Variants in CCDC148 observed in about 807,000 individuals in gnomAD.
CCDC148 encodes the protein coiled-coil domain-containing protein 148.
A neutral mutation model predicts 85.7 loss-of-function variants in CCDC148; 89 were observed. The observed-to-expected ratio is 1.04, with a 90% confidence interval of 0.87 to 1.24. The LOEUF (loss-of-function observed/expected upper bound fraction) is 1.24, where lower values mean the gene tolerates loss of function less well. Among genes scored for constraint, CCDC148 ranks in the 50% most tolerant of loss-of-function variants. CCDC148 has a pLI of 0.00. For missense variants in CCDC148, 692 were observed against 671.7 expected, an observed-to-expected ratio of 1.03 and a Z score of -0.33; for synonymous variants, 230 against 213.9, an observed-to-expected ratio of 1.08 and a Z score of -0.66.
rs1040423813 is a variant in CCDC148 at position 158,456,719 on chromosome 2, C to T, written c.-280G>A. 3.2e-5 allele frequency: 16 copies of T among 496,678 alleles called. No homozygotes were observed. Among genetic ancestry groups the T allele is most frequent in the Middle Eastern group, 5.3e-4 (1 of 1,882 alleles). The allele number at this position is 496,678 out of a possible 1,614,324, so 30.8% of individuals were successfully genotyped here. A position where few individuals can be genotyped will look rare whatever the true frequency, so the allele number is the denominator to read the frequency against. On this transcript the variant is annotated 5_prime_UTR_variant, in exon 1 of 14. Coordinates refer to ENST00000283233, the MANE Select transcript of CCDC148 (RefSeq NM_138803.4). ...CCTTCTCTCTCACACCCACCCTCTCCAGGCCCTCTCGCGCTGAACAGCATC... is the reference window on the plus strand; with the variant it reads ...CCTTCTCTCTCACACCCACCCTCTCTAGGCCCTCTCGCGCTGAACAGCATC...
At chr2:158,435,566 A>G (rs1024426351) in intron 1 of CCDC148, among the ~76,000 whole-genome samples, 1 of 152,178 alleles carries the variant, frequency 6.6e-6, no homozygotes, top group Non-Finnish European at 1.5e-5. Flanking sequence ...GAAACTGTAT[A>G]AACTAACAAG....
intron 7 of CCDC148, among the ~76,000 whole-genome samples, chr2:158,315,764 C>T (rs895524786): frequency 6.6e-6 from 1 of 152,080 alleles, no homozygotes; most frequent in African/African-American, 2.4e-5. Context: ...GGAGCTGCCT[C>T]TCCCACCCTC....
chr2:158,246,453 T>G (rs1354001270), intron 10 of CCDC148, among the ~76,000 whole-genome samples: 4 of 151,994 alleles, frequency 2.6e-5, no homozygotes, highest in Non-Finnish European at 5.9e-5. Flanking sequence ...CACATAGAAA[T>G]GCTGGACAAA....
chr2:158,415,535 C>T (rs1414020148), intron 1 of CCDC148, among the ~76,000 whole-genome samples: 1 of 152,198 alleles, frequency 6.6e-6, no homozygotes, highest in Non-Finnish European at 1.5e-5. Context: ...CAACAGTCCC[C>T]CAAGTCTTAA....
intron 10 of CCDC148, among the ~76,000 whole-genome samples, chr2:158,249,325 A>G (rs1383379561): frequency 1.3e-5 from 2 of 152,170 alleles, no homozygotes; most frequent in Admixed American, 1.3e-4. Context: ...ATGCTTTTCA[A>G]TAACTGTACT....
intron 1 of CCDC148, among the ~76,000 whole-genome samples, chr2:158,412,860 T>G (rs1686325723): frequency 6.8e-6 from 1 of 147,740 alleles, no homozygotes; most frequent in African/African-American, 2.5e-5. Flanking sequence ...ATTATTATTA[T>G]TATTATTATA....
At chr2:158,384,364 T>A (rs1684999509) in intron 1 of CCDC148, among the ~76,000 whole-genome samples, 1 of 152,190 alleles carries the variant, frequency 6.6e-6, no homozygotes, top group South Asian at 2.1e-4. Flanking sequence ...CCAAATCTCA[T>A]GTCAAATTGT....
At chr2:158,248,922 C>T (rs1168546676) in intron 10 of CCDC148, among the ~76,000 whole-genome samples, 7 of 152,064 alleles carry the variant, frequency 4.6e-5, no homozygotes, top group African/African-American at 1.7e-4. Context: ...CTGTTCAGTT[C>T]TTGTTACAGT....
At chr2:158,352,983 A>G (rs1038046124) in intron 2 of CCDC148, among the ~76,000 whole-genome samples, 4 of 150,418 alleles carry the variant, frequency 2.7e-5, no homozygotes, top group Non-Finnish European at 4.5e-5. Flanking sequence ...ACTAAGCTTC[A>G]TAAGTGAAGG....
intron 2 of CCDC148, among the ~76,000 whole-genome samples, chr2:158,349,534 G>C (rs1381928670): frequency 6.6e-6 from 1 of 151,486 alleles, no homozygotes; most frequent in African/African-American, 2.4e-5. Flanking sequence ...TAGCATTCAG[G>C]ACATTAAAAA....
chr2:158,215,705 G>A (rs4664934), intron 11 of CCDC148, among the ~76,000 whole-genome samples: 143,468 of 152,244 alleles, frequency 0.94, 68,104 homozygotes, highest in Non-Finnish European at 1. Flanking sequence ...AGTTAGTAGT[G>A]AATAGTCGAT....
intron 11 of CCDC148, among the ~76,000 whole-genome samples, chr2:158,192,265 C>T (rs1235914252): frequency 6.6e-6 from 1 of 152,020 alleles, no homozygotes; most frequent in Non-Finnish European, 1.5e-5. Flanking sequence ...ATATGGGTCT[C>T]TCTTTGGATA....
intron 10 of CCDC148, among the ~76,000 whole-genome samples, chr2:158,237,129 C>A (rs925997384): frequency 6.6e-6 from 1 of 152,082 alleles, no homozygotes; most frequent in East Asian, 1.9e-4. Flanking sequence ...AGGACATATG[C>A]TCGAGTGTTC....
intron 12 of CCDC148, among the ~76,000 whole-genome samples, chr2:158,177,874 C>G (rs1684672898): frequency 6.6e-6 from 1 of 152,094 alleles, no homozygotes; most frequent in Non-Finnish European, 1.5e-5. Flanking sequence ...CACCTAACCT[C>G]GGTGTCTCCT....
At chr2:158,186,801 A>C (rs946191524) in intron 11 of CCDC148, among the ~76,000 whole-genome samples, 1 of 151,586 alleles carries the variant, frequency 6.6e-6, no homozygotes, top group Admixed American at 6.6e-5. Flanking sequence ...CCCTCCTGAA[A>C]TTTTTTTTCT....
intron 1 of CCDC148, among the ~76,000 whole-genome samples, chr2:158,402,878 C>T (rs1159592275): frequency 1.3e-5 from 2 of 151,982 alleles, no homozygotes; most frequent in African/African-American, 2.4e-5. Context: ...TTGAAGGTCA[C>T]GTGATTTTGT....
At chr2:158,421,931 C>A (rs1354961737) in intron 1 of CCDC148, among the ~76,000 whole-genome samples, 2 of 152,250 alleles carry the variant, frequency 1.3e-5, no homozygotes, top group Admixed American at 6.5e-5. Context: ...CACAGAAATA[C>A]AAACTACCAT....
At chr2:158,270,933 A>G (rs1368695228) in intron 9 of CCDC148, among the ~76,000 whole-genome samples, 4 of 152,218 alleles carry the variant, frequency 2.6e-5, no homozygotes, top group Non-Finnish European at 4.4e-5. Context: ...AACGTTTCAC[A>G]ACATCATAGA....
At chr2:158,224,828 G>A (rs1012653667) in intron 10 of CCDC148, among the ~76,000 whole-genome samples, 22 of 152,160 alleles carry the variant, frequency 1.4e-4, no homozygotes, top group Admixed American at 4.6e-4. Flanking sequence ...AGGAACAACC[G>A]GTACCAGCCA....
Sources: gnomAD v4.1 joint callset for allele counts (sites outside exome capture counted in the v4.1 genomes callset) on GRCh38, gnomAD v4.1.1 for gene constraint, MANE v1.5 for transcripts, NCBI Gene and HGNC (gene_info 2026-07-23, HGNC 2026-07-21) for gene names.